The following TRIM66 variants were observed in gnomAD, a reference collection of about 807,000 sequenced individuals.
TRIM66 encodes the protein tripartite motif containing 66, also known as tripartite motif-containing protein 66.
Under a neutral mutation model 148.2 loss-of-function variants are expected in TRIM66, and 99 were observed. That is an observed-to-expected ratio of 0.67 (90% confidence interval 0.57 to 0.79). The LOEUF (loss-of-function observed/expected upper bound fraction) is 0.79. Ranked by LOEUF, TRIM66 falls within the 30% of genes least tolerant of loss-of-function variation. The pLI is 0.00. For missense variants in TRIM66, 1,666 were observed against 1,697.9 expected (o/e 0.98, Z 0.33); for synonymous variants, 616 against 635.9 (o/e 0.97, Z 0.47).
At chr11:8,682,036 A>C (rs1467200576) in intron 1 of TRIM66, among the ~76,000 whole-genome samples, 1 of 152,208 alleles carries the variant, frequency 6.6e-6, no homozygotes, top group African/African-American at 2.4e-5. Flanking sequence ...TGTTGGGACT[A>C]CAGGTGTGAG....
intron 6 of TRIM66, among the ~76,000 whole-genome samples, chr11:8,670,017 A>C (rs12799863): frequency 7.1e-6 from 1 of 141,598 alleles, no homozygotes; most frequent in Non-Finnish European, 1.5e-5. Flanking sequence ...GTTTTTATTT[A>C]TTTTTTTTTT....
chr11:8,630,998 T>C (rs1291088683), intron 15 of TRIM66, among the ~76,000 whole-genome samples: 3 of 152,184 alleles, frequency 2.0e-5, no homozygotes, highest in African/African-American at 4.8e-5. Context: ...CCCAGATGTG[T>C]TTCTAGAGTT....
intron 12 of TRIM66, chr11:8,644,436 C>T (rs1157467172): frequency 4.4e-6 from 2 of 452,972 alleles, no homozygotes; most frequent in African/African-American, 2.0e-5. Flanking sequence ...CCTCCTATTT[C>T]ACAGAGAAAA....
intron 6 of TRIM66, among the ~76,000 whole-genome samples, chr11:8,670,713 T>C (rs1416553145): frequency 6.6e-6 from 1 of 152,212 alleles, no homozygotes; most frequent in African/African-American, 2.4e-5. Flanking sequence ...GTAAGATTTG[T>C]TAATTAAAAT....
At chr11:8,667,720 C>T (rs1017978906) in intron 6 of TRIM66, among the ~76,000 whole-genome samples, 57 of 152,322 alleles carry the variant, frequency 3.7e-4, no homozygotes, top group African/African-American at 1.3e-3. Context: ...AAGCTTCATC[C>T]ATGTTGTAGC....
chr11:8,671,946 C>G lies in TRIM66; in HGVS notation c.180G>C (p.Gln60His). ...AGCAGGTCATTACCATGGCCTCCAT[C>G]TGTCCACTCTTAGGGCAGTGTTTCT... ...AGQKHCPKSG[Q>H]MEAMVMTCSL... is the part of the protein sequence containing the mutation. Residue 60 changes from glutamine to histidine, a missense_variant, in exon 6 of 25, where the codon CAG (glutamine) becomes CAC (histidine). By Grantham distance (24) the Gln-to-His change is conservative. Coordinates refer to ENST00000646038, the MANE Select transcript of TRIM66 (RefSeq NM_001388022.1). 6.5e-7 allele frequency: 1 copy of G among 1,536,174 alleles called. No homozygotes were observed. Among genetic ancestry groups the G allele is most frequent in the South Asian group, 1.2e-5 (1 of 84,062 alleles).
At position 8,665,012 on chromosome 11, in the gene TRIM66, G is replaced by C. The variant is rs536606075; in HGVS notation, c.340+6774C>G. On this transcript the variant is annotated intron_variant, in intron 6 of 24. Coordinates refer to ENST00000646038, the MANE Select transcript of TRIM66 (RefSeq NM_001388022.1). Reference sequence around the variant, plus strand: ...ATAGAAATGAACTCAGCCCCATGTAGCGTGGCTCCATCTGGTTGGAGGCAT... The same window carrying C: ...ATAGAAATGAACTCAGCCCCATGTACCGTGGCTCCATCTGGTTGGAGGCAT... Among the ~76,000 whole-genome samples the C allele has an allele frequency of 2.6e-5, 4 of 152,174 alleles. No individual in the cohort carries two copies. The East Asian group carries it at 7.7e-4, about 29-fold the overall frequency.
intron 6 of TRIM66, among the ~76,000 whole-genome samples, chr11:8,656,986 A>G (rs1042012074): frequency 6.6e-6 from 1 of 152,216 alleles, no homozygotes; most frequent in Non-Finnish European, 1.5e-5. Context: ...GCAGGCCTAG[A>G]GTGCAGCCTG....
Position 8,620,517 on chromosome 11 carries a change from C to T in TRIM66, c.3601G>A (p.Asp1201Asn), listed in dbSNP as rs746334778. 13 of 1,551,672 alleles carry T rather than the reference C, an allele frequency of 8.4e-6. No individual in the cohort carries two copies. The highest frequency in any genetic ancestry group is 5.9e-5 in the South Asian group (5 of 84,058). Residue 1201 changes from aspartate (D) to asparagine (N), a missense_variant, in exon 21 of 25, where the codon GAC becomes AAC. Physicochemically the swap from Asp to Asn is conservative, Grantham distance 23 (BLOSUM62 1). Transcript: ENST00000646038. The stretch of plus-strand genomic sequence containing the variant: ...TGGTTATAGCAGGCATTCTCACAGT[C>T]GTACTCCATCTCGGGCTGGGTCAGG... ...RSLTQPEMEY[D>N]CENACYNQPG... is the part of the protein sequence containing the mutation.
At chr11:8,640,158 G>A (rs946783022) in intron 14 of TRIM66, 69 bp downstream of exon 14, 4 of 1,433,828 alleles carry the variant, frequency 2.8e-6, no homozygotes, top group Admixed American at 4.2e-5. Flanking sequence ...CTTGTTTTTG[G>A]GGAGGCTGTG....
chr11:8,622,273 A>G (rs1342171669), intron 18 of TRIM66, among the ~76,000 whole-genome samples: 1 of 147,400 alleles, frequency 6.8e-6, no homozygotes, highest in East Asian at 2.0e-4. Flanking sequence ...AATACTTAAT[A>G]AACTTCCATA....
chr11:8,619,433 C>T lies in TRIM66; in HGVS notation c.3850G>A (p.Val1284Met). ...DPAHYTTPEE[V>M]VSDVRLMFWN... is the part of the protein sequence containing the mutation. The stretch of plus-strand genomic sequence containing the variant: ...AACATGAGGCGCACATCTGATACCA[C>T]CTCCTCTGGGGTGGTATAGTGAGCT... Residue 1284 changes from valine to methionine, a missense_variant, in exon 23 of 25, where the codon GTG becomes ATG. By Grantham distance (21) the Val-to-Met change is conservative. This residue lies in a region of TRIM66 where 204 missense variants were observed against 231.0 expected (regional missense o/e 0.88). Transcript: ENST00000646038. The T allele has an allele frequency of 6.5e-7, 1 of 1,548,212 alleles. No homozygotes were observed. The highest frequency in any genetic ancestry group is 8.7e-7 in the Non-Finnish European group (1 of 1,145,740).
At position 8,645,906 on chromosome 11, in the gene TRIM66, C is replaced by G. The variant is rs1179266511; in HGVS notation, c.958-19G>C. The G allele has an allele frequency of 6.4e-6, 10 of 1,550,796 alleles. No individual in the cohort carries two copies. The highest frequency in any genetic ancestry group is 7.8e-6 in the Non-Finnish European group (9 of 1,146,570). On this transcript the variant is annotated intron_variant, in intron 11 of 24. Coordinates refer to ENST00000646038, the MANE Select transcript of TRIM66 (RefSeq NM_001388022.1). ...TAATCCCCTGGGTACAGAGAGAAGA[C>G]AGAGTCCTTGATCCTGTTACTGGAC... is the stretch of plus-strand genomic sequence containing the variant.
At chr11:8,632,055 A>T (rs981236453) in intron 15 of TRIM66, among the ~76,000 whole-genome samples, 7 of 152,170 alleles carry the variant, frequency 4.6e-5, no homozygotes, top group African/African-American at 1.7e-4. Flanking sequence ...GGTGAATTAA[A>T]TCCTCAAAAT....
At chr11:8,653,122 T>C (rs1427535203) in intron 6 of TRIM66, among the ~76,000 whole-genome samples, 1 of 152,206 alleles carries the variant, frequency 6.6e-6, no homozygotes, top group Admixed American at 6.5e-5. Context: ...ACCAACTCTC[T>C]GGTGACGAAA....
chr11:8,620,185 A>C, intron 21 of TRIM66, 61 bp from the exon 22 acceptor site: 1 of 1,481,026 alleles, frequency 6.8e-7, no homozygotes, highest in Admixed American at 2.0e-5. Context: ...GTATGAACTA[A>C]AGATGTTGAC....
chr11:8,647,922 G>T, intron 10 of TRIM66, 48 bp downstream of exon 10: 2 of 1,436,356 alleles, frequency 1.4e-6, no homozygotes, highest in Non-Finnish European at 1.9e-6. Context: ...CCCTGGGTGT[G>T]CGGGAACAGA....
chr11:8,678,754 G>C (rs1028938978), intron 3 of TRIM66, among the ~76,000 whole-genome samples: 2 of 152,206 alleles, frequency 1.3e-5, no homozygotes, highest in Non-Finnish European at 2.9e-5. Flanking sequence ...CAAGAAAACA[G>C]AGCTGGATTC....
At position 8,645,899 on chromosome 11, in the gene TRIM66, G is replaced by C; in HGVS notation, c.958-12C>G. On this transcript the variant is annotated splice_polypyrimidine_tract_variant and intron_variant, in intron 11 of 24. Transcript: ENST00000646038. ...TCATTAGTAATCCCCTGGGTACAGA[G>C]AGAAGACAGAGTCCTTGATCCTGTT... The C allele has an allele frequency of 6.4e-7, 1 of 1,551,146 alleles. No homozygotes were observed. The highest frequency in any genetic ancestry group is 8.7e-7 in the Non-Finnish European group (1 of 1,146,734).
Sources: gnomAD v4.1 joint callset for allele counts (sites outside exome capture counted in the v4.1 genomes callset) on GRCh38, gnomAD v4.1.1 for gene constraint, gnomAD v4.1.1 regional missense constraint, MANE v1.5 for transcripts, NCBI Gene and HGNC (gene_info 2026-07-23, HGNC 2026-07-21) for gene names.